Variants in NEGR1 observed in about 807,000 individuals in gnomAD.
The protein encoded by NEGR1 is IgLON family member 4.
Under a neutral mutation model 40.9 loss-of-function variants are expected in NEGR1, and 10 were observed. That is an observed-to-expected ratio of 0.24 (90% CI 0.15 to 0.42). The LOEUF (loss-of-function observed/expected upper bound fraction) is 0.42, where lower values mean the gene tolerates loss of function less well. Ranked by LOEUF, NEGR1 falls within the 10% of genes least tolerant of loss-of-function variation. The pLI is 1.00. For synonymous variants in NEGR1, 185 were observed against 166.8 expected (o/e 1.11, Z -0.84); for missense variants, 352 against 438.9 (o/e 0.80, Z 1.77).
intron 6 of NEGR1, among the ~76,000 whole-genome samples, chr1:71,454,638 G>A (rs1646657967): frequency 1.3e-5 from 2 of 152,146 alleles, no homozygotes; most frequent in Non-Finnish European, 2.9e-5. Context: ...GTGGAAGCAT[G>A]AGAAATGGAA....
intron 1 of NEGR1, among the ~76,000 whole-genome samples, chr1:72,192,531 T>C (rs2153929): frequency 0.21 from 31,435 of 151,720 alleles, 3,776 homozygotes; most frequent in South Asian, 0.28. Context: ...ATAGTGCTAA[T>C]TGCAAAGTAT....
chr1:72,216,296 C>T (rs1314097280), intron 1 of NEGR1, among the ~76,000 whole-genome samples: 1 of 149,818 alleles, frequency 6.7e-6, no homozygotes, highest in Non-Finnish European at 1.5e-5. Flanking sequence ...ACAGGTTCAG[C>T]AAACCACCGT....
At chr1:71,665,075 A>C (rs1233718041) in intron 4 of NEGR1, among the ~76,000 whole-genome samples, 3 of 152,166 alleles carry the variant, frequency 2.0e-5, no homozygotes, top group Non-Finnish European at 4.4e-5. Flanking sequence ...ATATTTACCA[A>C]AGCTATTTGC....
intron 1 of NEGR1, among the ~76,000 whole-genome samples, chr1:72,185,186 T>C (rs553744967): frequency 1.0e-3 from 152 of 152,018 alleles, no homozygotes; most frequent in African/African-American, 3.5e-3. Flanking sequence ...TTGCTATTAT[T>C]ATTATCATTA....
intron 2 of NEGR1, among the ~76,000 whole-genome samples, chr1:71,898,365 C>T (rs1661029225): frequency 6.6e-6 from 1 of 152,106 alleles, no homozygotes; most frequent in African/African-American, 2.4e-5. Context: ...CCTGTAATCC[C>T]AGCACTTTGG....
intron 2 of NEGR1, among the ~76,000 whole-genome samples, chr1:71,836,476 A>G (rs4649952): frequency 3.3e-5 from 3 of 89,668 alleles, no homozygotes; most frequent in Non-Finnish European, 7.6e-5. Flanking sequence ...CAAAATATAT[A>G]TGTGTATATA....
rs539265297 is a variant in NEGR1 at position 72,217,253 on chromosome 1, T to C, written c.176+65066A>G. On this transcript the variant is annotated intron_variant, in intron 1 of 6. Coordinates refer to ENST00000357731, the MANE Select transcript of NEGR1 (RefSeq NM_173808.3). ...ATAAATTGTTAGGTGAAATATCAGA[T>C]TATGATGTTTCAATTATGAAAATAA... is the stretch of plus-strand genomic sequence containing the variant. Among the ~76,000 whole-genome samples the C allele has an allele frequency of 4.6e-5, 7 of 151,962 alleles. No individual in the cohort carries two copies. In the South Asian group the frequency reaches 1.5e-3, roughly 32 times the overall value.
chr1:71,854,579 C>T (rs186619842), intron 2 of NEGR1, among the ~76,000 whole-genome samples: 2 of 152,100 alleles, frequency 1.3e-5, no homozygotes, highest in African/African-American at 4.8e-5. Flanking sequence ...ATATTCGTGA[C>T]TGGGTAAGTT....
intron 4 of NEGR1, among the ~76,000 whole-genome samples, chr1:71,676,269 T>C (rs1434747666): frequency 6.6e-6 from 1 of 152,122 alleles, no homozygotes; most frequent in Non-Finnish European, 1.5e-5. Context: ...TGTTCTTCTA[T>C]TATGCCTCAG....
chr1:71,719,897 A>G (rs1182561549), intron 3 of NEGR1, among the ~76,000 whole-genome samples: 1 of 152,080 alleles, frequency 6.6e-6, no homozygotes, highest in Non-Finnish European at 1.5e-5. Flanking sequence ...AAGATTCAAA[A>G]ATTTCTAGTT....
intron 4 of NEGR1, among the ~76,000 whole-genome samples, chr1:71,613,235 T>C (rs559696047): frequency 6.6e-6 from 1 of 152,146 alleles, no homozygotes; most frequent in African/African-American, 2.4e-5. Flanking sequence ...TTGGAGCTGA[T>C]AAGATTTCTA....
chr1:71,443,309 T>A (rs1160098835), intron 6 of NEGR1, among the ~76,000 whole-genome samples: 1 of 152,220 alleles, frequency 6.6e-6, no homozygotes, highest in Non-Finnish European at 1.5e-5. Flanking sequence ...CCTCGCTAGA[T>A]CCCAGTGATC....
intron 1 of NEGR1, among the ~76,000 whole-genome samples, chr1:72,045,906 T>C (rs12067722): frequency 0.014 from 2,154 of 151,912 alleles, 51 homozygotes; most frequent in African/African-American, 0.049. Flanking sequence ...CAGGTGGATT[T>C]TGTAAAACTG....
chr1:71,470,000 T>C (rs1646771419), intron 6 of NEGR1, among the ~76,000 whole-genome samples: 1 of 152,102 alleles, frequency 6.6e-6, no homozygotes, highest in Non-Finnish European at 1.5e-5. Flanking sequence ...TTTTTAGTCT[T>C]CCTACTCTCA....
At chr1:71,994,305 G>T (rs1259819156) in intron 1 of NEGR1, among the ~76,000 whole-genome samples, 1 of 152,114 alleles carries the variant, frequency 6.6e-6, no homozygotes, top group Non-Finnish European at 1.5e-5. Context: ...GAGGCGGGTG[G>T]ATCATGAGGT....
chr1:71,898,998 A>G (rs1482772850), intron 2 of NEGR1, among the ~76,000 whole-genome samples: 1 of 79,584 alleles, frequency 1.3e-5, no homozygotes, highest in Non-Finnish European at 3.0e-5. Context: ...ATATATATAT[A>G]TATATATATA....
intron 1 of NEGR1, among the ~76,000 whole-genome samples, chr1:72,228,723 T>G: frequency 6.6e-6 from 1 of 152,118 alleles, no homozygotes. Context: ...CAGGGACTTT[T>G]GAATGGTAAT....
At chr1:71,881,123 C>T (rs1030847570) in intron 2 of NEGR1, among the ~76,000 whole-genome samples, 2 of 151,966 alleles carry the variant, frequency 1.3e-5, no homozygotes, top group Non-Finnish European at 2.9e-5. Flanking sequence ...AAAATCCTTC[C>T]TACAGTACAG....
chr1:71,633,002 T>C (rs965148308), intron 4 of NEGR1, among the ~76,000 whole-genome samples: 2 of 152,136 alleles, frequency 1.3e-5, no homozygotes, highest in Non-Finnish European at 2.9e-5. Flanking sequence ...TAATCAGGTA[T>C]TTTGTTATTA....
Sources: gnomAD v4.1 joint callset for allele counts (sites outside exome capture counted in the v4.1 genomes callset) on GRCh38, gnomAD v4.1.1 for gene constraint, MANE v1.5 for transcripts, NCBI Gene and HGNC (gene_info 2026-07-23, HGNC 2026-07-21) for gene names.